GPC4: variants seen among roughly 807,000 people sequenced by gnomAD.
GPC4 encodes glypican 4.
In GPC4, 10 loss-of-function variants were observed where a neutral mutation model predicts 35.0. That is an observed-to-expected ratio of 0.29 (90% confidence interval 0.18 to 0.48). The LOEUF is 0.48. Ranked by LOEUF, GPC4 falls within the 20% of genes least tolerant of loss-of-function variation. The probability of loss-of-function intolerance (pLI) is 0.99; values close to 1 mark genes in which losing one functional copy is unlikely to be tolerated. For synonymous variants in GPC4, 167 were observed against 170.2 expected (o/e 0.98, Z 0.15); for missense variants, 322 against 451.3 (o/e 0.71, Z 2.60).
Position 133,355,482 on chromosome X carries a change from G to A in GPC4, c.161-16141C>T, listed in dbSNP as rs190928041. Among the ~76,000 whole-genome samples the A allele has an allele frequency of 5.4e-5, 6 of 111,869 alleles. No homozygotes were observed. In the East Asian group the frequency reaches 1.4e-3, roughly 26 times the overall value. On this transcript the variant is annotated intron_variant, in intron 1 of 8. Coordinates refer to ENST00000370828, the MANE Select transcript of GPC4 (RefSeq NM_001448.3). Reference sequence around the variant, plus strand: ...CAAACATAACACACTATTACAAAATGAGCCTATATTAAGAAATAGTCATGA... The same window carrying A: ...CAAACATAACACACTATTACAAAATAAGCCTATATTAAGAAATAGTCATGA...
At chrX:133,348,811 G>A (rs765328790) in intron 1 of GPC4, among the ~76,000 whole-genome samples, 1 of 111,910 alleles carries the variant, frequency 8.9e-6, no homozygotes, top group African/African-American at 3.2e-5. Flanking sequence ...GTTACATAGT[G>A]CCTATGAAAT....
chrX:133,333,671 C>G (rs1056131469), intron 2 of GPC4, among the ~76,000 whole-genome samples: 7 of 112,552 alleles, frequency 6.2e-5, no homozygotes, highest in African/African-American at 1.9e-4. Flanking sequence ...TGCTTTCAAA[C>G]TAAATCGGAG....
intron 1 of GPC4, among the ~76,000 whole-genome samples, chrX:133,359,874 C>T (rs1046696241): frequency 1.8e-5 from 2 of 111,062 alleles, no homozygotes; most frequent in Non-Finnish European, 1.9e-5. Context: ...CCACTGTGCC[C>T]GAGACTGGTG....
intron 6 of GPC4, among the ~76,000 whole-genome samples, chrX:133,305,541 C>T (rs151215793): frequency 0.029 from 3,255 of 111,773 alleles, 119 homozygotes; most frequent in African/African-American, 0.099. Context: ...CATGGTGAAT[C>T]TAAAGAGAAA....
intron 1 of GPC4, among the ~76,000 whole-genome samples, chrX:133,371,295 G>A (rs776410484): frequency 1.2e-4 from 13 of 112,425 alleles, no homozygotes; most frequent in Non-Finnish European, 2.3e-4. Flanking sequence ...AGTTTGCCAT[G>A]ACCAGTGGAA....
chrX:133,340,938 A>G (rs1013232222), intron 1 of GPC4, among the ~76,000 whole-genome samples: 6 of 111,594 alleles, frequency 5.4e-5, no homozygotes, highest in African/African-American at 2.0e-4. Flanking sequence ...GAAACTGCTA[A>G]AAGTTTATTT....
At chrX:133,317,772 A>G (rs1218568731) in intron 3 of GPC4, among the ~76,000 whole-genome samples, 1 of 111,926 alleles carries the variant, frequency 8.9e-6, no homozygotes, top group Non-Finnish European at 1.9e-5. Flanking sequence ...TATTCCCAGA[A>G]TTACGGTAAG....
At chrX:133,388,792 G>A (rs1462984095) in intron 1 of GPC4, among the ~76,000 whole-genome samples, 11 of 106,943 alleles carry the variant, frequency 1.0e-4, no homozygotes, top group African/African-American at 1.4e-4. Context: ...ATGAGCCACC[G>A]CGCCCAGCCA....
chrX:133,373,334 T>G (rs1280995345), intron 1 of GPC4, among the ~76,000 whole-genome samples: 13 of 111,440 alleles, frequency 1.2e-4, no homozygotes, highest in Admixed American at 6.7e-4. Context: ...GAATTTATTC[T>G]GAGATCAGCT....
chrX:133,311,192 CA>C, intron 4 of GPC4, 65 bp downstream of exon 4: 1 of 1,090,575 alleles, frequency 9.2e-7, no homozygotes, highest in African/African-American at 1.8e-5. Flanking sequence ...CTGCCAATTA[CA>C]ACATTCCTTG....
intron 1 of GPC4, among the ~76,000 whole-genome samples, chrX:133,397,234 G>C (rs1416273039): frequency 8.9e-6 from 1 of 112,054 alleles, no homozygotes; most frequent in Non-Finnish European, 1.9e-5. Flanking sequence ...AGACCAGCCT[G>C]GGCAACATGG....
Position 133,350,531 on chromosome X carries a change from C to CAAACA in GPC4, c.161-11195_161-11191dup, listed in dbSNP as rs754504674. Among the ~76,000 whole-genome samples, 32 of 110,176 alleles carry CAAACA rather than the reference C, an allele frequency of 2.9e-4. 1 individual carries two copies. Among genetic ancestry groups the CAAACA allele is most frequent in the African/African-American group, 1.0e-3 (31 of 30,203 alleles). On this transcript the variant is annotated intron_variant, in intron 1 of 8. Coordinates refer to ENST00000370828, the MANE Select transcript of GPC4 (RefSeq NM_001448.3). Reference sequence around the variant, plus strand: ...GGGTGGGGGGGAATGTTTCATTCTGCAAACAAAACAAAACAAACAAACAAC... The same window carrying CAAACA: ...GGGTGGGGGGGAATGTTTCATTCTGCAAACAAAACAAAACAAAACAAACAAACAAC...
intron 1 of GPC4, among the ~76,000 whole-genome samples, chrX:133,391,474 T>C (rs1569355152): frequency 8.9e-6 from 1 of 112,316 alleles, no homozygotes; most frequent in African/African-American, 3.2e-5. Context: ...CAAATCCTTT[T>C]AGTTCTGTAT....
chrX:133,340,333 A>G (rs1371836212), intron 1 of GPC4, among the ~76,000 whole-genome samples: 1 of 111,540 alleles, frequency 9.0e-6, no homozygotes, highest in Non-Finnish European at 1.9e-5. Flanking sequence ...AAACCCCACT[A>G]GCTACTATCA....
intron 8 of GPC4, 48 bp from the exon 9 acceptor site, chrX:133,303,117 T>C (rs2068274434): frequency 2.5e-6 from 3 of 1,205,252 alleles, no homozygotes; most frequent in Non-Finnish European, 3.4e-6. Flanking sequence ...CTTGTTCTCA[T>C]CAGAAGACAT....
At chrX:133,370,446 C>T (rs1467382773) in intron 1 of GPC4, among the ~76,000 whole-genome samples, 1 of 111,713 alleles carries the variant, frequency 9.0e-6, no homozygotes, top group Non-Finnish European at 1.9e-5. Flanking sequence ...CACAGGAAAA[C>T]CTCATCATTT....
chrX:133,409,320 TAAAAA>T (rs36008423), intron 1 of GPC4, among the ~76,000 whole-genome samples: 7 of 31,798 alleles, frequency 2.2e-4, no homozygotes, highest in African/African-American at 5.8e-4. Flanking sequence ...GACCCTGCCT[TAAAAA>T]AAAAAAAAAA....
intron 1 of GPC4, among the ~76,000 whole-genome samples, chrX:133,403,684 T>C (rs1310544083): frequency 1.8e-5 from 2 of 109,127 alleles, no homozygotes; most frequent in Non-Finnish European, 3.8e-5. Flanking sequence ...TCTGGCATGA[T>C]AGGGCACATA....
intron 1 of GPC4, among the ~76,000 whole-genome samples, chrX:133,383,736 A>G (rs1389818036): frequency 9.0e-6 from 1 of 111,695 alleles, no homozygotes; most frequent in African/African-American, 3.3e-5. Flanking sequence ...AATTCCAGCT[A>G]CTCAGGAGGC....
Sources: gnomAD v4.1 joint callset for allele counts (sites outside exome capture counted in the v4.1 genomes callset) on GRCh38, gnomAD v4.1.1 for gene constraint, MANE v1.5 for transcripts, NCBI Gene and HGNC (gene_info 2026-07-23, HGNC 2026-07-21) for gene names.